The following KLRD1 variants were observed in gnomAD, a reference collection of about 807,000 sequenced individuals.
KLRD1 encodes killer cell lectin like receptor D1.
Under a neutral mutation model 22.6 loss-of-function variants are expected in KLRD1, and 21 were observed. That is an observed-to-expected ratio of 0.93 (90% CI 0.66 to 1.34). The LOEUF (loss-of-function observed/expected upper bound fraction) is 1.34. Among genes scored for constraint, KLRD1 ranks in the 40% most tolerant of loss-of-function variants. KLRD1 has a pLI of 0.00. For missense variants in KLRD1, 183 were observed against 208.6 expected (o/e 0.88, Z 0.76); for synonymous variants, 59 against 71.1 (o/e 0.83, Z 0.85).
intron 1 of KLRD1, among the ~76,000 whole-genome samples, chr12:10,244,832 T>C (rs900925682): frequency 6.6e-6 from 1 of 151,742 alleles, no homozygotes; most frequent in African/African-American, 2.4e-5. Flanking sequence ...ACAAAAAAAC[T>C]TCATTGAAGA....
At chr12:10,279,532 C>T (rs1190724468) in intron 1 of KLRD1, among the ~76,000 whole-genome samples, 1 of 152,076 alleles carries the variant, frequency 6.6e-6, no homozygotes, top group African/African-American at 2.4e-5. Context: ...TATAAATAGG[C>T]AGTATGACAG....
intron 1 of KLRD1, among the ~76,000 whole-genome samples, chr12:10,258,406 GT>G (rs935994044): frequency 2.3e-4 from 35 of 152,256 alleles, no homozygotes; most frequent in Non-Finnish European, 4.6e-4. Context: ...GGCTTTGGAA[GT>G]AGAACATATT....
chr12:10,289,466 A>T (rs1325491757), intron 1 of KLRD1, among the ~76,000 whole-genome samples: 1 of 152,250 alleles, frequency 6.6e-6, no homozygotes, highest in Non-Finnish European at 1.5e-5. Context: ...TCAATGTTTT[A>T]TTCAAAATGT....
chr12:10,256,768 G>A (rs1020729764), intron 1 of KLRD1, among the ~76,000 whole-genome samples: 9 of 151,960 alleles, frequency 5.9e-5, no homozygotes, highest in African/African-American at 9.7e-5. Flanking sequence ...ATTATATTTC[G>A]CTGATGCATT....
chr12:10,276,834 TG>T, intron 1 of KLRD1, among the ~76,000 whole-genome samples: 1 of 152,270 alleles, frequency 6.6e-6, no homozygotes, highest in African/African-American at 2.4e-5. Flanking sequence ...AAAGAGAAGA[TG>T]AAGTTTCTTT....
rs2137748176 is a variant in KLRD1, at chr12:10,321,626, T to C, written c.*6833T>C. ...TCGCATATCACTTTTGAGGCTAGAT[T>C]ATAAAAGACAGTATGTCTTTGGCGT... On this transcript the variant is annotated 3_prime_UTR_variant, in exon 6 of 6. Coordinates refer to ENST00000336164, the MANE Select transcript of KLRD1 (RefSeq NM_002262.5). The C allele has an allele frequency of 6.6e-6, 1 of 152,346 alleles. No individual in the cohort carries two copies. The highest frequency in any genetic ancestry group is 1.9e-4 in the East Asian group (1 of 5,188). 9.4% of individuals were successfully genotyped at this position (152,346 alleles called of 1,614,324 possible).
intron 1 of KLRD1, among the ~76,000 whole-genome samples, chr12:10,279,712 CTTATA>C (rs1241020793): frequency 6.6e-6 from 1 of 152,082 alleles, no homozygotes; most frequent in African/African-American, 2.4e-5. Flanking sequence ...TTTTTCCATC[CTTATA>C]TTATTTCTTA....
chr12:10,287,248 G>A (rs1312574636), intron 1 of KLRD1, among the ~76,000 whole-genome samples: 1 of 152,106 alleles, frequency 6.6e-6, no homozygotes, highest in Non-Finnish European at 1.5e-5. Flanking sequence ...TGCATTGTAA[G>A]GCACAGGTTT....
At chr12:10,289,477 A>T (rs1457372271) in intron 1 of KLRD1, among the ~76,000 whole-genome samples, 1 of 152,248 alleles carries the variant, frequency 6.6e-6, no homozygotes, top group Non-Finnish European at 1.5e-5. Context: ...TTCAAAATGT[A>T]TGTTGCTAAT....
rs1950372085 is a variant in KLRD1 at position 10,327,563 on chromosome 12, CTT to C, written c.*12772_*12773del. ...TGCATGTTGATTTTGTACCCTGCAA[CTT>C]TACTTGGTTTTAGGAGGCTTTTTTG... On this transcript the variant is annotated 3_prime_UTR_variant, in exon 6 of 6. Transcript: ENST00000336164. 1 of 152,138 alleles carries C rather than the reference CTT, an allele frequency of 6.6e-6. No homozygotes were observed. Among genetic ancestry groups the C allele is most frequent in the South Asian group, 2.1e-4 (1 of 4,830 alleles). 9.4% of individuals were successfully genotyped at this position (152,138 alleles called of 1,614,324 possible).
intron 1 of KLRD1, among the ~76,000 whole-genome samples, chr12:10,248,395 C>G (rs1949312231): frequency 6.6e-6 from 1 of 152,008 alleles, no homozygotes; most frequent in African/African-American, 2.4e-5. Flanking sequence ...GCACAGAAAA[C>G]AATATTGTGT....
At chr12:10,288,316 C>G (rs925844783) in intron 1 of KLRD1, among the ~76,000 whole-genome samples, 1 of 151,464 alleles carries the variant, frequency 6.6e-6, no homozygotes, top group South Asian at 2.1e-4. Flanking sequence ...CATATGTATA[C>G]ATTATGTAAA....
At position 10,327,258 on chromosome 12, in the gene KLRD1, A is replaced by G. The variant is rs559713236; in HGVS notation, c.*12465A>G. On this transcript the variant is annotated 3_prime_UTR_variant, in exon 6 of 6. Transcript: ENST00000336164. ...ATCTGTTTAATTGGTCTATATGTTCATCTTTATGCCAGTGCCATATTGTTT... is the reference window on the plus strand; with the variant it reads ...ATCTGTTTAATTGGTCTATATGTTCGTCTTTATGCCAGTGCCATATTGTTT... 4.6e-5 allele frequency: 7 copies of G among 152,286 alleles called. No individual in the cohort carries two copies. The South Asian group carries it at 1.5e-3, about 32-fold the overall frequency. 9.4% of individuals were successfully genotyped at this position (152,286 alleles called of 1,614,324 possible). A position where few individuals can be genotyped will look rare whatever the true frequency, so the allele number is the denominator to read the frequency against.
At chr12:10,275,486 C>T (rs544602517) in intron 1 of KLRD1, among the ~76,000 whole-genome samples, 4 of 152,262 alleles carry the variant, frequency 2.6e-5, no homozygotes, top group Admixed American at 2.0e-4. Flanking sequence ...CCTGCAAATC[C>T]ACATGATGTC....
chr12:10,281,188 G>A (rs1311720241), intron 1 of KLRD1, among the ~76,000 whole-genome samples: 1 of 152,124 alleles, frequency 6.6e-6, no homozygotes, highest in African/African-American at 2.4e-5. Flanking sequence ...GGAGGAGGCA[G>A]TGCAATCATG....
chr12:10,278,588 C>G (rs992003146), intron 1 of KLRD1, among the ~76,000 whole-genome samples: 2 of 152,096 alleles, frequency 1.3e-5, no homozygotes, highest in African/African-American at 2.4e-5. Context: ...TATTTTCTGA[C>G]CTATTGCTTA....
chr12:10,250,817 A>G (rs936294981), intron 1 of KLRD1, among the ~76,000 whole-genome samples: 2 of 152,270 alleles, frequency 1.3e-5, no homozygotes, highest in East Asian at 1.9e-4. Flanking sequence ...TGGATAGCGT[A>G]TTAAGGTAAT....
At chr12:10,256,410 T>G (rs1020865747) in intron 1 of KLRD1, among the ~76,000 whole-genome samples, 12 of 133,126 alleles carry the variant, frequency 9.0e-5, no homozygotes, top group African/African-American at 3.1e-4. Flanking sequence ...TTATTGACTT[T>G]CTTTGTGATT....
At chr12:10,267,297 C>T (rs1305470975) in intron 1 of KLRD1, among the ~76,000 whole-genome samples, 1 of 152,050 alleles carries the variant, frequency 6.6e-6, no homozygotes, top group Non-Finnish European at 1.5e-5. Flanking sequence ...CACCAAGGTA[C>T]ATTTAATATA....
Sources: allele counts gnomAD v4.1 joint callset (sites outside exome capture counted in the v4.1 genomes callset), GRCh38; gene constraint gnomAD v4.1.1; transcripts MANE v1.5; gene names NCBI Gene and HGNC (gene_info 2026-07-23, HGNC 2026-07-21).